The following NBEA variants were observed in gnomAD, a reference collection of about 807,000 sequenced individuals.
NBEA encodes the protein neurobeachin.
NBEA carries 44 observed loss-of-function variants against 343.4 expected under a neutral mutation model. The ratio of observed to expected loss-of-function variants is 0.13; its 90% CI spans 0.10 to 0.16. The LOEUF (loss-of-function observed/expected upper bound fraction) is 0.16. Among genes scored for constraint, NBEA ranks in the 10% least tolerant of loss-of-function variants. The probability of loss-of-function intolerance (pLI) is 1.00; values close to 1 mark genes in which losing one functional copy is unlikely to be tolerated. For missense variants in NBEA, 2,555 were observed against 3,631.3 expected (o/e 0.70, Z 7.62); for synonymous variants, 1,175 against 1,238.7 (o/e 0.95, Z 1.08).
chr13:35,289,353 C>A (rs1400659272), intron 34 of NBEA, among the ~76,000 whole-genome samples: 3 of 151,762 alleles, frequency 2.0e-5, no homozygotes, highest in Non-Finnish European at 2.9e-5. Flanking sequence ...GAGGAAAAAT[C>A]TATTTATTAA....
At chr13:35,030,839 C>A (rs73491560) in intron 1 of NBEA, among the ~76,000 whole-genome samples, 6,491 of 151,674 alleles carry the variant, frequency 0.043, 245 homozygotes, top group African/African-American at 0.097. Flanking sequence ...CTAAATGATA[C>A]ATAGAAAGGG....
rs199691041 is a variant in NBEA at position 35,290,463 on chromosome 13, A to G, written c.5838+13A>G. The stretch of plus-strand genomic sequence containing the variant: ...GCTTTGTTCTCAGGTACAAAATCCC[A>G]TTCACTCAGTTACATTAATATATGA... On this transcript the variant is annotated intron_variant, in intron 35 of 58. Coordinates refer to ENST00000379939, the MANE Select transcript of NBEA (RefSeq NM_001385012.1). 443 of 1,593,260 alleles carry G rather than the reference A, an allele frequency of 2.8e-4. No individual in the cohort carries two copies. Among genetic ancestry groups the G allele is most frequent in the Non-Finnish European group, 3.7e-4 (429 of 1,164,106 alleles).
chr13:35,329,245 G>A (rs1454341119), intron 36 of NBEA, among the ~76,000 whole-genome samples: 2 of 151,946 alleles, frequency 1.3e-5, no homozygotes, highest in Non-Finnish European at 2.9e-5. Flanking sequence ...GGTGGTGGAA[G>A]TGCAAAATAG....
intron 56 of NBEA, among the ~76,000 whole-genome samples, chr13:35,666,727 A>G (rs2085373270): frequency 6.6e-6 from 1 of 152,210 alleles, no homozygotes; most frequent in Non-Finnish European, 1.5e-5. Flanking sequence ...TGAATTTTTT[A>G]CTTTATCAAC....
chr13:35,054,679 T>C (rs1309430256), intron 6 of NBEA, among the ~76,000 whole-genome samples: 1 of 145,920 alleles, frequency 6.9e-6, no homozygotes, highest in African/African-American at 2.5e-5. Flanking sequence ...AGTCTTGCCC[T>C]GTCGCCCAGG....
chr13:35,546,495 A>C (rs1012081007), intron 41 of NBEA, among the ~76,000 whole-genome samples: 1 of 152,034 alleles, frequency 6.6e-6, no homozygotes, highest in Admixed American at 6.6e-5. Context: ...GTTACATGAT[A>C]ACTCTTAAAT....
intron 31 of NBEA, among the ~76,000 whole-genome samples, chr13:35,207,034 A>T (rs2073440801): frequency 1.3e-5 from 2 of 152,162 alleles, no homozygotes; most frequent in South Asian, 4.1e-4. Context: ...GAAAAGAAGA[A>T]AGTACCTAGA....
chr13:35,383,981 C>T (rs980329861), intron 38 of NBEA, among the ~76,000 whole-genome samples: 2 of 151,690 alleles, frequency 1.3e-5, no homozygotes, highest in Non-Finnish European at 2.9e-5. Flanking sequence ...ACTGGCTGGC[C>T]AAAAGAGAGT....
chr13:35,654,941 G>A lies in NBEA; in HGVS notation c.8122G>A (p.Ala2708Thr), dbSNP rs1009682064. 2.5e-6 allele frequency: 4 copies of A among 1,588,056 alleles called. No homozygotes were observed. The highest frequency in any genetic ancestry group is 3.4e-6 in the Non-Finnish European group (4 of 1,171,132). Reference protein sequence around the residue: ...QINAHCFVVTADNRYILICGF... With the variant: ...QINAHCFVVTTDNRYILICGF... Reference sequence around the variant, plus strand: ...CAATGCACATTGTTTTGTGGTAACAGCAGATAATCGCTATATTCTTATCTG... The same window carrying A: ...CAATGCACATTGTTTTGTGGTAACAACAGATAATCGCTATATTCTTATCTG... The change falls in exon 54 of 59, where the codon GCA (alanine) becomes ACA (threonine). Residue 2708 changes from alanine (A) to threonine (T), a missense_variant. By Grantham distance (58) the Ala-to-Thr change is moderately conservative (BLOSUM62 0). Transcript: ENST00000379939.
chr13:35,010,244 A>ATC (rs2061437602), intron 1 of NBEA, among the ~76,000 whole-genome samples: 1 of 152,106 alleles, frequency 6.6e-6, no homozygotes, highest in South Asian at 2.1e-4. Flanking sequence ...AAGTACTGAA[A>ATC]ACAGAGACAA....
intron 10 of NBEA, among the ~76,000 whole-genome samples, chr13:35,082,675 T>C (rs964502985): frequency 5.3e-5 from 8 of 152,218 alleles, no homozygotes; most frequent in Non-Finnish European, 8.8e-5. Context: ...CCAGTGATGA[T>C]GAGCATTTTT....
intron 11 of NBEA, among the ~76,000 whole-genome samples, chr13:35,108,452 T>TA (rs917389809): frequency 2.0e-5 from 3 of 152,018 alleles, no homozygotes; most frequent in Non-Finnish European, 4.4e-5. Flanking sequence ...TATTTTCTAG[T>TA]AAAAAAATAC....
intron 10 of NBEA, among the ~76,000 whole-genome samples, chr13:35,089,724 G>A (rs1458131338): frequency 1.4e-5 from 2 of 143,952 alleles, no homozygotes; most frequent in African/African-American, 5.2e-5. Context: ...GGAATACTAT[G>A]CAGCCATAAA....
chr13:35,132,324 A>G (rs1338222781), intron 17 of NBEA, among the ~76,000 whole-genome samples: 1 of 151,940 alleles, frequency 6.6e-6, no homozygotes, highest in Non-Finnish European at 1.5e-5. Flanking sequence ...TGCCCAGCTA[A>G]TTTTTTTGTA....
At chr13:35,264,104 G>A (rs1001683948) in intron 34 of NBEA, among the ~76,000 whole-genome samples, 1 of 149,394 alleles carries the variant, frequency 6.7e-6, no homozygotes, top group Non-Finnish European at 1.5e-5. Flanking sequence ...GAAATACGAA[G>A]GACAACAAGA....
At chr13:35,319,557 AAT>A (rs1162669616) in intron 36 of NBEA, among the ~76,000 whole-genome samples, 1 of 152,162 alleles carries the variant, frequency 6.6e-6, no homozygotes, top group Non-Finnish European at 1.5e-5. Flanking sequence ...TGCTGAGAAA[AAT>A]ATATATTCTA....
At chr13:35,056,180 T>G (rs1194467919) in intron 7 of NBEA, 51 bp downstream of exon 7, 9 of 1,431,180 alleles carry the variant, frequency 6.3e-6, no homozygotes, top group African/African-American at 2.9e-5. Context: ...GAGTATGATC[T>G]ATCATTACAA....
At chr13:35,161,646 T>C (rs1001235602) in intron 22 of NBEA, 104 bp from the exon 23 acceptor site, 22 of 966,888 alleles carry the variant, frequency 2.3e-5, no homozygotes, top group Admixed American at 7.7e-5. Flanking sequence ...TAAAGTCATA[T>C]GCTAAAGCAT....
intron 45 of NBEA, among the ~76,000 whole-genome samples, chr13:35,582,449 T>C (rs899741276): frequency 2.6e-5 from 4 of 152,144 alleles, no homozygotes; most frequent in African/African-American, 2.4e-5. Context: ...AAAATTACAT[T>C]CCCTTTTTTA....
Sources: allele counts gnomAD v4.1 joint callset (sites outside exome capture counted in the v4.1 genomes callset), GRCh38; gene constraint gnomAD v4.1.1; transcripts MANE v1.5; gene names NCBI Gene and HGNC (gene_info 2026-07-23, HGNC 2026-07-21).